Variants in CNTNAP5 observed in about 807,000 individuals in gnomAD.
CNTNAP5 encodes the protein contactin-associated protein-like 5.
CNTNAP5 carries 72 observed loss-of-function variants against 150.2 expected under a neutral mutation model. That is an observed-to-expected ratio of 0.48 (90% CI 0.40 to 0.58). CNTNAP5 has a LOEUF of 0.58. Ranked by LOEUF, CNTNAP5 falls within the 20% of genes least tolerant of loss-of-function variation. The probability of loss-of-function intolerance (pLI) is 0.00; values close to 1 mark genes in which losing one functional copy is unlikely to be tolerated. For missense variants in CNTNAP5, 1,636 were observed against 1,626.2 expected, an observed-to-expected ratio of 1.01 and a Z score of -0.10; for synonymous variants, 672 against 619.8, an observed-to-expected ratio of 1.08 and a Z score of -1.25.
At chr2:124,423,651 A>ATTT (rs1176407242) in intron 4 of CNTNAP5, among the ~76,000 whole-genome samples, 7 of 29,598 alleles carry the variant, frequency 2.4e-4, no homozygotes, top group East Asian at 1.0e-3. Context: ...CGGCTAATTA[A>ATTT]CTTTTTTTTT....
chr2:124,847,408 C>T (rs1254390664), intron 19 of CNTNAP5, among the ~76,000 whole-genome samples: 2 of 152,164 alleles, frequency 1.3e-5, no homozygotes, highest in African/African-American at 4.8e-5. Flanking sequence ...CAGGCAGTCA[C>T]AGGCCTCACC....
At chr2:124,536,879 G>A (rs1445667374) in intron 10 of CNTNAP5, among the ~76,000 whole-genome samples, 1 of 152,132 alleles carries the variant, frequency 6.6e-6, no homozygotes, top group Non-Finnish European at 1.5e-5. Flanking sequence ...TGTCTTGGCA[G>A]CAGTGGATGC....
At chr2:124,355,945 T>A (rs994826150) in intron 3 of CNTNAP5, among the ~76,000 whole-genome samples, 1 of 152,160 alleles carries the variant, frequency 6.6e-6, no homozygotes, top group African/African-American at 2.4e-5. Flanking sequence ...TTGTAACACG[T>A]CTGCAAATGA....
At chr2:124,031,254 G>A (rs569347626) in intron 1 of CNTNAP5, among the ~76,000 whole-genome samples, 1 of 151,952 alleles carries the variant, frequency 6.6e-6, no homozygotes, top group Admixed American at 6.6e-5. Flanking sequence ...AGGATGCAAA[G>A]TTCTCTGATG....
intron 3 of CNTNAP5, among the ~76,000 whole-genome samples, chr2:124,268,129 G>A (rs1186098008): frequency 6.6e-6 from 1 of 152,194 alleles, no homozygotes; most frequent in East Asian, 1.9e-4. Context: ...CTAGGAATGA[G>A]TCAGTGGTTT....
chr2:124,610,888 C>T (rs1191997642), intron 12 of CNTNAP5, among the ~76,000 whole-genome samples: 10 of 149,924 alleles, frequency 6.7e-5, no homozygotes, highest in African/African-American at 2.2e-4. Context: ...ACCCGGGAGA[C>T]GGAGGTTGCA....
intron 13 of CNTNAP5, among the ~76,000 whole-genome samples, chr2:124,677,440 G>A (rs950105941): frequency 2.6e-5 from 4 of 152,190 alleles, no homozygotes; most frequent in African/African-American, 9.7e-5. Flanking sequence ...GCTGCTGCTG[G>A]CTGGGGTGGC....
At chr2:124,858,268 C>G (rs1677427187) in intron 19 of CNTNAP5, among the ~76,000 whole-genome samples, 1 of 152,154 alleles carries the variant, frequency 6.6e-6, no homozygotes, top group Non-Finnish European at 1.5e-5. Flanking sequence ...TCAAATTGTA[C>G]CTGTTTGCAG....
chr2:124,752,308 G>A (rs1417991118), intron 14 of CNTNAP5, among the ~76,000 whole-genome samples: 1 of 151,996 alleles, frequency 6.6e-6, no homozygotes, highest in Non-Finnish European at 1.5e-5. Context: ...TCCCATCTCA[G>A]CCTCCCAAAG....
intron 3 of CNTNAP5, among the ~76,000 whole-genome samples, chr2:124,350,587 CA>C (rs1172739682): frequency 6.6e-5 from 10 of 151,720 alleles, no homozygotes; most frequent in African/African-American, 2.4e-4. Flanking sequence ...TCTACCCCCG[CA>C]AAAGCTTCAA....
chr2:124,676,610 A>G (rs977177379), intron 13 of CNTNAP5, among the ~76,000 whole-genome samples: 1 of 152,198 alleles, frequency 6.6e-6, no homozygotes, highest in African/African-American at 2.4e-5. Flanking sequence ...CAAATAGTAA[A>G]CATTCTCTGT....
At chr2:124,493,161 G>T (rs986890737) in intron 7 of CNTNAP5, among the ~76,000 whole-genome samples, 6 of 151,850 alleles carry the variant, frequency 4.0e-5, no homozygotes, top group Non-Finnish European at 7.4e-5. Context: ...CACCTAAATC[G>T]TTAAGAGTTT....
intron 13 of CNTNAP5, among the ~76,000 whole-genome samples, chr2:124,695,731 C>T (rs1012820771): frequency 2.0e-5 from 3 of 152,146 alleles, no homozygotes; most frequent in Non-Finnish European, 2.9e-5. Flanking sequence ...ATGGAGGGAG[C>T]TAGGACTGAT....
chr2:124,319,498 T>A (rs866659119), intron 3 of CNTNAP5, among the ~76,000 whole-genome samples: 6 of 152,310 alleles, frequency 3.9e-5, no homozygotes, highest in Non-Finnish European at 8.8e-5. Flanking sequence ...CTGGGGTATA[T>A]TTGACTCTTT....
At chr2:124,497,894 A>G (rs1324454913) in intron 7 of CNTNAP5, among the ~76,000 whole-genome samples, 2 of 152,218 alleles carry the variant, frequency 1.3e-5, no homozygotes, top group African/African-American at 4.8e-5. Context: ...TGTGTAACAG[A>G]TAAGTGTAAA....
At chr2:124,872,527 A>G (rs1038149018) in intron 21 of CNTNAP5, among the ~76,000 whole-genome samples, 2 of 151,682 alleles carry the variant, frequency 1.3e-5, no homozygotes, top group Non-Finnish European at 2.9e-5. Context: ...AACTTCTGCC[A>G]GGTGCCAGGA....
chr2:124,732,791 G>T (rs1680298812), intron 13 of CNTNAP5, among the ~76,000 whole-genome samples: 1 of 152,138 alleles, frequency 6.6e-6, no homozygotes, highest in Non-Finnish European at 1.5e-5. Context: ...GTATTAATTA[G>T]TTGATGAAGC....
intron 9 of CNTNAP5, 37 bp downstream of exon 9, chr2:124,524,489 G>T: frequency 6.4e-7 from 1 of 1,567,284 alleles, no homozygotes; most frequent in African/African-American, 1.4e-5. Context: ...AAATTAAGAA[G>T]GGAGGGAAAT....
chr2:124,402,051 T>G (rs1691438836), intron 3 of CNTNAP5, among the ~76,000 whole-genome samples: 1 of 151,876 alleles, frequency 6.6e-6, no homozygotes, highest in African/African-American at 2.4e-5. Flanking sequence ...GTTCCAGGAG[T>G]GTATTAGGAG....
Sources: allele counts gnomAD v4.1 joint callset (sites outside exome capture counted in the v4.1 genomes callset), GRCh38; gene constraint gnomAD v4.1.1; transcripts MANE v1.5; gene names NCBI Gene and HGNC (gene_info 2026-07-23, HGNC 2026-07-21).